The following ACSM3 variants were observed in gnomAD, a reference collection of about 807,000 sequenced individuals.
The protein encoded by ACSM3 is acyl-coenzyme A synthetase ACSM3, mitochondrial.
In ACSM3, 61 loss-of-function variants were observed where a neutral mutation model predicts 74.1. The observed-to-expected ratio is 0.82, with a 90% CI of 0.67 to 1.02. The LOEUF (loss-of-function observed/expected upper bound fraction) is 1.02, where lower values mean the gene tolerates loss of function less well. ACSM3 is among the 50% of genes least tolerant of loss of function. The probability of loss-of-function intolerance (pLI) is 0.00; values close to 1 mark genes in which losing one functional copy is unlikely to be tolerated. For synonymous variants in ACSM3, 213 were observed against 241.5 expected (o/e 0.88, Z 1.09); for missense variants, 660 against 697.0 (o/e 0.95, Z 0.60).
At chr16:20,789,662 A>C in intron 9 of ACSM3, 1 of 684,006 alleles carries the variant, frequency 1.5e-6, no homozygotes, top group Non-Finnish European at 2.6e-6. Flanking sequence ...AAAACTGTAT[A>C]TTATAAAGCA....
intron 1 of ACSM3, among the ~76,000 whole-genome samples, chr16:20,712,097 G>A (rs1401548903): frequency 6.6e-6 from 1 of 151,938 alleles, no homozygotes; most frequent in Non-Finnish European, 1.5e-5. Context: ...ACTTCTCCTT[G>A]ACCACATTAC....
intron 1 of ACSM3, chr16:20,764,744 C>T (rs1271458764): frequency 6.6e-6 from 1 of 152,264 alleles, no homozygotes; most frequent in African/African-American, 2.4e-5. Context: ...CAGGTAGTGG[C>T]TGAGATTTTC....
At chr16:20,727,309 C>T in intron 1 of ACSM3, 1 of 565,906 alleles carries the variant, frequency 1.8e-6, no homozygotes, top group Non-Finnish European at 3.4e-6. Flanking sequence ...TCAGGTTCCT[C>T]TCAAAAAGGC....
chr16:20,703,864 C>T (rs937656785), intron 1 of ACSM3: 4 of 152,146 alleles, frequency 2.6e-5, no homozygotes, highest in African/African-American at 9.7e-5. Context: ...TATTAGGCCA[C>T]ACAAATATTG....
At chr16:20,702,529 T>C (rs1309980033) in intron 1 of ACSM3, among the ~76,000 whole-genome samples, 3 of 152,226 alleles carry the variant, frequency 2.0e-5, no homozygotes, top group East Asian at 1.9e-4. Context: ...TGGTATCTCA[T>C]TGTGATTTTG....
chr16:20,682,224 C>CA (rs758304672), intron 1 of ACSM3: 1 of 1,603,142 alleles, frequency 6.2e-7, no homozygotes, highest in African/African-American at 1.3e-5. Flanking sequence ...CAACTGTACT[C>CA]AGAGATTATA....
chr16:20,725,344 T>A (rs1290441112), intron 1 of ACSM3: 2 of 239,918 alleles, frequency 8.3e-6, no homozygotes, highest in African/African-American at 4.6e-5. Flanking sequence ...GACTTCTGTG[T>A]CTTTCTCCAT....
chr16:20,761,150 C>T (rs989550413), upstream of ACSM3, among the ~76,000 whole-genome samples: 4 of 151,986 alleles, frequency 2.6e-5, no homozygotes, highest in African/African-American at 7.3e-5. Context: ...GCTGGAGTGC[C>T]CAGGCTGGAG....
chr16:20,719,308 T>C lies in ACSM3; in HGVS notation c.-189-30602T>C, dbSNP rs367627676. On this transcript the variant is annotated intron_variant, in intron 1 of 3. Transcript: ENST00000561584. ...TGGGTCAAGGCCACCTTTGGCAGTA[T>C]ATTTTCTTCCTGGCTTTATGGAGCC... 28 of 252,110 alleles carry C rather than the reference T, an allele frequency of 1.1e-4. No individual in the cohort carries two copies. The South Asian group carries it at 1.4e-3, about 12-fold the overall frequency. The allele number at this position is 252,110 out of a possible 1,614,324, so 15.6% of individuals were successfully genotyped here.
intron 2 of ACSM3, among the ~76,000 whole-genome samples, chr16:20,774,625 C>A (rs1260884721): frequency 6.6e-6 from 1 of 152,196 alleles, no homozygotes; most frequent in Non-Finnish European, 1.5e-5. Context: ...TTTAGTCAGT[C>A]CATACAGTCC....
At chr16:20,705,046 G>A (rs2079722989) in intron 1 of ACSM3, among the ~76,000 whole-genome samples, 1 of 152,150 alleles carries the variant, frequency 6.6e-6, no homozygotes, top group East Asian at 1.9e-4. Context: ...CCTTTTGATA[G>A]GTACCAACTA....
chr16:20,728,508 C>A, intron 1 of ACSM3: 2 of 965,082 alleles, frequency 2.1e-6, no homozygotes, highest in Non-Finnish European at 1.6e-6. Context: ...ATAGAAAGTG[C>A]TAGTCATGTC....
chr16:20,708,985 T>C (rs1336213698), intron 1 of ACSM3, among the ~76,000 whole-genome samples: 6 of 152,252 alleles, frequency 3.9e-5, no homozygotes, highest in Non-Finnish European at 8.8e-5. Flanking sequence ...TTACAGTCAA[T>C]TGATTTTTGG....
At chr16:20,729,504 C>T (rs1380475750) in intron 1 of ACSM3, 3 of 615,714 alleles carry the variant, frequency 4.9e-6, no homozygotes, top group African/African-American at 1.8e-5. Context: ...GAGCATCCAG[C>T]AGTTGTCAAA....
intron 1 of ACSM3, among the ~76,000 whole-genome samples, chr16:20,727,166 T>C (rs2079809430): frequency 6.6e-6 from 1 of 152,224 alleles, no homozygotes; most frequent in Admixed American, 6.5e-5. Context: ...ATGTGCCCCA[T>C]ATGCCTAGAA....
chr16:20,791,972 C>A (rs1339499055), intron 10 of ACSM3, 30 bp from the exon 11 acceptor site: 2 of 1,609,766 alleles, frequency 1.2e-6, no homozygotes. Flanking sequence ...TTGGATTCAC[C>A]ATAACAACAA....
At chr16:20,796,560 T>A in intron 13 of ACSM3, 71 bp downstream of exon 13, 1 of 1,589,944 alleles carries the variant, frequency 6.3e-7, no homozygotes, top group South Asian at 1.1e-5. Context: ...TTTTACATTT[T>A]AATGAATATT....
rs907835035 is a variant in ACSM3, at chr16:20,732,340, G to A, written c.-189-17570G>A. Among the ~76,000 whole-genome samples, 6 of 152,104 alleles carry A rather than the reference G, an allele frequency of 3.9e-5. No individual in the cohort carries two copies. The East Asian group carries it at 1.2e-3, about 29-fold the overall frequency. Reference sequence around the variant, plus strand: ...CAAAAGGTAGTAAATTTCAACCTAAGAACTATTCAACAATTTCTCCATTAC... The same window carrying A: ...CAAAAGGTAGTAAATTTCAACCTAAAAACTATTCAACAATTTCTCCATTAC... On this transcript the variant is annotated intron_variant, in intron 1 of 3. Coordinates refer to the ACSM3 transcript ENST00000561584.
chr16:20,699,594 A>C (rs1333352895), intron 1 of ACSM3, among the ~76,000 whole-genome samples: 1 of 152,096 alleles, frequency 6.6e-6, no homozygotes, highest in East Asian at 1.9e-4. Flanking sequence ...AAAACAACTA[A>C]CCAAAAAACC....
Sources: gnomAD v4.1 joint callset for allele counts (sites outside exome capture counted in the v4.1 genomes callset) on GRCh38, gnomAD v4.1.1 for gene constraint, MANE v1.5 for transcripts, NCBI Gene and HGNC (gene_info 2026-07-23, HGNC 2026-07-21) for gene names.